Variants in CDH18 observed in about 807,000 individuals in gnomAD.
CDH18 encodes cadherin 18, also known as cadherin-18.
CDH18 carries 31 observed loss-of-function variants against 67.9 expected under a neutral mutation model. The ratio of observed to expected loss-of-function variants is 0.46; its 90% confidence interval spans 0.34 to 0.62. The LOEUF is 0.62. CDH18 is among the 20% of genes least tolerant of loss of function. The pLI is 0.01. For missense variants in CDH18, 890 were observed against 975.5 expected (o/e 0.91, Z 1.17); for synonymous variants, 362 against 347.2 (o/e 1.04, Z -0.48).
At chr5:19,747,373 C>A in intron 3 of CDH18, 137 bp from the exon 4 acceptor site, 1 of 640,166 alleles carries the variant, frequency 1.6e-6, no homozygotes, top group Non-Finnish European at 2.6e-6. Flanking sequence ...TTACTACTAT[C>A]ATTTGCTTTT....
intron 9 of CDH18, among the ~76,000 whole-genome samples, chr5:19,532,191 C>T (rs1201865624): frequency 1.3e-5 from 2 of 151,996 alleles, no homozygotes; most frequent in East Asian, 1.9e-4. Flanking sequence ...CATTTGACAA[C>T]ATTTTTCTAA....
At chr5:20,124,616 T>C (rs1748667468) in intron 2 of CDH18, among the ~76,000 whole-genome samples, 1 of 152,186 alleles carries the variant, frequency 6.6e-6, no homozygotes. Context: ...AAGAGAGAAA[T>C]TGAAAGTAGG....
chr5:20,104,822 T>C (rs987052462), intron 2 of CDH18, among the ~76,000 whole-genome samples: 12 of 152,062 alleles, frequency 7.9e-5, no homozygotes, highest in South Asian at 2.1e-4. Context: ...CCTCCACCTC[T>C]GAAACCAATA....
intron 1 of CDH18, among the ~76,000 whole-genome samples, chr5:20,374,015 A>T (rs568986124): frequency 6.6e-6 from 1 of 152,310 alleles, no homozygotes; most frequent in East Asian, 1.9e-4. Flanking sequence ...ACAAGGACAG[A>T]ACATAACCCT....
At position 19,907,977 on chromosome 5, in the gene CDH18, G is replaced by T. The variant is rs186152521; in HGVS notation, c.-256-68735C>A. ...AAAATCCTTAAATGGGGATATGGAA[G>T]AGTTAATCAGACATTTCTAACTAAT... On this transcript the variant is annotated intron_variant, in intron 2 of 12. Transcript: ENST00000382275. 1.9e-4 allele frequency among the ~76,000 whole-genome samples: 29 copies of T among 152,148 alleles called. No individual in the cohort carries two copies. In the East Asian group the frequency reaches 5.4e-3, roughly 28 times the overall value.
intron 2 of CDH18, among the ~76,000 whole-genome samples, chr5:20,024,073 T>C (rs1336608254): frequency 2.0e-5 from 3 of 152,188 alleles, no homozygotes; most frequent in Non-Finnish European, 1.5e-5. Flanking sequence ...ATTCACCATA[T>C]CCATCACATA....
chr5:19,589,418 T>A (rs1238850585), intron 7 of CDH18, among the ~76,000 whole-genome samples: 7 of 152,202 alleles, frequency 4.6e-5, no homozygotes, highest in African/African-American at 1.7e-4. Context: ...TTAGAAAAAA[T>A]TAATCCAGTT....
At chr5:19,496,333 C>T (rs1008770702) in intron 11 of CDH18, among the ~76,000 whole-genome samples, 1 of 152,102 alleles carries the variant, frequency 6.6e-6, no homozygotes, top group Non-Finnish European at 1.5e-5. Context: ...ATGGTGAATA[C>T]TCTCTTGGGA....
intron 4 of CDH18, among the ~76,000 whole-genome samples, chr5:19,741,567 A>G (rs942426799): frequency 3.9e-5 from 6 of 152,166 alleles, no homozygotes; most frequent in South Asian, 2.1e-4. Context: ...GTGCACTTCA[A>G]GATGACAATT....
At chr5:20,413,171 G>A (rs559141539) in intron 1 of CDH18, among the ~76,000 whole-genome samples, 98 of 152,190 alleles carry the variant, frequency 6.4e-4, no homozygotes, top group African/African-American at 2.0e-3. Flanking sequence ...ATAGTATTCC[G>A]TGGTGTATAT....
intron 3 of CDH18, among the ~76,000 whole-genome samples, chr5:19,756,702 A>G (rs1368811046): frequency 1.3e-5 from 2 of 152,224 alleles, no homozygotes; most frequent in Non-Finnish European, 2.9e-5. Context: ...GGCAGTCTTA[A>G]CTTATAGTTC....
chr5:20,469,545 A>C (rs2150236464), intron 1 of CDH18, among the ~76,000 whole-genome samples: 1 of 152,258 alleles, frequency 6.6e-6, no homozygotes, highest in East Asian at 1.9e-4. Context: ...AGTTTGCTGT[A>C]ACGGATACCC....
intron 1 of CDH18, among the ~76,000 whole-genome samples, chr5:19,987,790 G>C (rs1179741214): frequency 1.3e-5 from 2 of 152,130 alleles, no homozygotes; most frequent in African/African-American, 4.8e-5. Context: ...AACTTCTTCA[G>C]GGAAGACAAC....
intron 3 of CDH18, among the ~76,000 whole-genome samples, chr5:19,759,899 T>C (rs1169413941): frequency 6.6e-6 from 1 of 152,122 alleles, no homozygotes; most frequent in Non-Finnish European, 1.5e-5. Flanking sequence ...GGAAATGAAT[T>C]GAGGGGCCAT....
At chr5:19,813,277 C>T (rs1035265579) in intron 3 of CDH18, among the ~76,000 whole-genome samples, 1 of 151,514 alleles carries the variant, frequency 6.6e-6, no homozygotes, top group Admixed American at 6.6e-5. Flanking sequence ...TAACCCAGAA[C>T]TTAAAGTATA....
chr5:19,625,681 T>A (rs1751432069), intron 5 of CDH18, among the ~76,000 whole-genome samples: 1 of 152,102 alleles, frequency 6.6e-6, no homozygotes, highest in Non-Finnish European at 1.5e-5. Context: ...ATTTCCTTTT[T>A]TCATAAGGCA....
At chr5:20,544,001 G>A (rs895541684) in intron 1 of CDH18, among the ~76,000 whole-genome samples, 1 of 152,010 alleles carries the variant, frequency 6.6e-6, no homozygotes, top group Non-Finnish European at 1.5e-5. Flanking sequence ...TCTTTCAATT[G>A]TCTATGTAAT....
At position 19,748,130 on chromosome 5, in the gene CDH18, AAAAG is replaced by A. The variant is rs1195083767; in HGVS notation, c.229-898_229-895del. On this transcript the variant is annotated intron_variant, in intron 3 of 12. Transcript: ENST00000382275. ...TCCATCTCAAAAAAAAAAAAAAAAAAAAAGAGTACTTTTTTAGGGATAGAGTATT... is the reference window on the plus strand; with the variant it reads ...TCCATCTCAAAAAAAAAAAAAAAAAAAGTACTTTTTTAGGGATAGAGTATT... Among the ~76,000 whole-genome samples, 368 of 144,986 alleles carry A rather than the reference AAAAG, an allele frequency of 2.5e-3. 103 individuals are homozygous for A. In the East Asian group the frequency reaches 0.046, roughly 18 times the overall value.
intron 1 of CDH18, among the ~76,000 whole-genome samples, chr5:20,425,642 T>C (rs1748245423): frequency 6.6e-6 from 1 of 151,034 alleles, no homozygotes; most frequent in South Asian, 2.1e-4. Context: ...AAATAGTTGC[T>C]TTTGGTGTGT....
Sources: gnomAD v4.1 joint callset for allele counts (sites outside exome capture counted in the v4.1 genomes callset) on GRCh38, gnomAD v4.1.1 for gene constraint, MANE v1.5 for transcripts, NCBI Gene and HGNC (gene_info 2026-07-23, HGNC 2026-07-21) for gene names.